The following DNM3 variants were observed in gnomAD, a reference collection of about 807,000 sequenced individuals.
The protein encoded by DNM3 is dynamin 3, also known as dynamin-3.
A neutral mutation model predicts 101.6 loss-of-function variants in DNM3; 47 were observed. That is an observed-to-expected ratio of 0.46 (90% confidence interval 0.37 to 0.59). The LOEUF (loss-of-function observed/expected upper bound fraction) is 0.59, where lower values mean the gene tolerates loss of function less well. Ranked by LOEUF, DNM3 falls within the 20% of genes least tolerant of loss-of-function variation. The pLI, the probability that DNM3 is intolerant of heterozygous loss-of-function variation, is 0.00. For synonymous variants in DNM3, 385 were observed against 387.9 expected (o/e 0.99, Z 0.09); for missense variants, 849 against 1,085.7 (o/e 0.78, Z 3.06).
intron 14 of DNM3, chr1:172,133,469 G>A (rs2057050095): frequency 5.1e-6 from 5 of 974,450 alleles, no homozygotes; most frequent in African/African-American, 1.8e-5. Context: ...GGGGGCAGGT[G>A]AGAGTGGAAA....
At chr1:171,985,971 A>T (rs573172884) in intron 2 of DNM3, among the ~76,000 whole-genome samples, 2 of 152,180 alleles carry the variant, frequency 1.3e-5, no homozygotes, top group Non-Finnish European at 2.9e-5. Context: ...CAAAAGTTGG[A>T]CTAGTGGAAT....
At chr1:172,388,432 T>A in intron 19 of DNM3, 141 bp from the exon 20 acceptor site, 1 of 724,510 alleles carries the variant, frequency 1.4e-6, no homozygotes, top group African/African-American at 1.8e-5. Context: ...TACCCTTTTA[T>A]CCCTTTGACT....
intron 15 of DNM3, among the ~76,000 whole-genome samples, chr1:172,282,247 A>G (rs2063518313): frequency 6.6e-6 from 1 of 152,158 alleles, no homozygotes; most frequent in Non-Finnish European, 1.5e-5. Context: ...TCAGTTAATT[A>G]CATCATCTGG....
chr1:171,979,002 A>G (rs1380997961), intron 2 of DNM3, among the ~76,000 whole-genome samples: 1 of 152,048 alleles, frequency 6.6e-6, no homozygotes, highest in Non-Finnish European at 1.5e-5. Flanking sequence ...ATTAGATGAG[A>G]TCACTTAGAG....
intron 15 of DNM3, among the ~76,000 whole-genome samples, chr1:172,273,643 C>G (rs2063167274): frequency 6.6e-6 from 1 of 152,078 alleles, no homozygotes; most frequent in African/African-American, 2.4e-5. Flanking sequence ...TGCACATACT[C>G]TCTTTCAAAT....
In DNM3 at chr1:172,057,806, C is replaced by A. The variant is rs571248518; in HGVS notation, c.1335+9056C>A. On this transcript the variant is annotated intron_variant, in intron 10 of 20. Transcript: ENST00000627582. ...ATCAACTAACGAGCAAAATAACCAGCTATCATCATAATGACAGGATCAAAT... is the reference window on the plus strand; with the variant it reads ...ATCAACTAACGAGCAAAATAACCAGATATCATCATAATGACAGGATCAAAT... Among the ~76,000 whole-genome samples the A allele has an allele frequency of 2.4e-3, 356 of 151,226 alleles. 6 individuals carry two copies. The highest frequency in any genetic ancestry group is 0.019 in the Admixed American group (291 of 15,134).
At chr1:172,388,086 T>C (rs2069299646) in intron 19 of DNM3, among the ~76,000 whole-genome samples, 1 of 151,780 alleles carries the variant, frequency 6.6e-6, no homozygotes, top group Admixed American at 6.6e-5. Flanking sequence ...ATACAAAAAT[T>C]AGCTGGGGGT....
chr1:172,332,495 A>T (rs1573501557), intron 17 of DNM3, among the ~76,000 whole-genome samples: 1 of 152,152 alleles, frequency 6.6e-6, no homozygotes, highest in East Asian at 1.9e-4. Context: ...ATTTTAGTAC[A>T]GATGGGGTTT....
chr1:172,154,114 C>T (rs557181679), intron 14 of DNM3, among the ~76,000 whole-genome samples: 2 of 152,178 alleles, frequency 1.3e-5, no homozygotes, highest in East Asian at 3.9e-4. Flanking sequence ...TTAGAAGCAT[C>T]TTGAGGTCCA....
At chr1:171,850,278 A>G (rs960733295) in intron 1 of DNM3, among the ~76,000 whole-genome samples, 2 of 152,216 alleles carry the variant, frequency 1.3e-5, no homozygotes, top group Non-Finnish European at 2.9e-5. Flanking sequence ...GATTTGATTG[A>G]CATTCCCATA....
intron 14 of DNM3, among the ~76,000 whole-genome samples, chr1:172,218,588 G>T (rs2148553381): frequency 6.6e-6 from 1 of 152,060 alleles, no homozygotes; most frequent in East Asian, 1.9e-4. Context: ...GGGGTTTGTG[G>T]TATATGATAT....
intron 17 of DNM3, among the ~76,000 whole-genome samples, chr1:172,364,325 A>T (rs1321002262): frequency 6.6e-6 from 1 of 151,904 alleles, no homozygotes; most frequent in Non-Finnish European, 1.5e-5. Flanking sequence ...GCTGTACAAC[A>T]TTAGTATCTA....
chr1:172,001,594 G>A (rs928686160), intron 4 of DNM3, among the ~76,000 whole-genome samples: 4 of 151,856 alleles, frequency 2.6e-5, no homozygotes, highest in African/African-American at 9.7e-5. Flanking sequence ...TCCCTTTCAC[G>A]GTGATTTATT....
At chr1:172,034,922 T>A (rs1458956213) in intron 6 of DNM3, among the ~76,000 whole-genome samples, 1 of 152,078 alleles carries the variant, frequency 6.6e-6, no homozygotes, top group African/African-American at 2.4e-5. Flanking sequence ...CTAAGACCAA[T>A]GAGGAGTCAT....
At chr1:172,321,112 T>G (rs2148908766) in intron 16 of DNM3, among the ~76,000 whole-genome samples, 2 of 152,290 alleles carry the variant, frequency 1.3e-5, no homozygotes, top group Middle Eastern at 3.4e-3. Flanking sequence ...GAAACCACTT[T>G]ACAATGAAGT....
rs573468307 is a variant in DNM3, at chr1:172,318,169, CT to C, written c.1882-5158del. Among the ~76,000 whole-genome samples the C allele has an allele frequency of 7.9e-5, 12 of 152,236 alleles. No individual in the cohort carries two copies. In the South Asian group the frequency reaches 2.5e-3, roughly 32 times the overall value. ...TATTTCAATAGATGCAGAAAAGGCC[CT>C]TGAAAAAATTCAACAGCCCTTCAGG... On this transcript the variant is annotated intron_variant, in intron 16 of 20. Transcript: ENST00000627582.
At chr1:172,140,029 G>C (rs2057483173) in intron 14 of DNM3, 2 of 151,898 alleles carry the variant, frequency 1.3e-5, no homozygotes, top group African/African-American at 4.8e-5. Context: ...ATTGTCCAAG[G>C]ATTGTATAAT....
intron 14 of DNM3, among the ~76,000 whole-genome samples, chr1:172,177,993 T>C (rs908165501): frequency 4.6e-5 from 7 of 151,946 alleles, no homozygotes; most frequent in Admixed American, 2.0e-4. Context: ...CCAAACATCA[T>C]AGAGTGTTCT....
At chr1:172,346,352 G>T (rs753054530) in intron 17 of DNM3, among the ~76,000 whole-genome samples, 1 of 152,176 alleles carries the variant, frequency 6.6e-6, no homozygotes, top group African/African-American at 2.4e-5. Context: ...GCATGTGAAG[G>T]TGTACAGTGA....
Sources: gnomAD v4.1 joint callset for allele counts (sites outside exome capture counted in the v4.1 genomes callset) on GRCh38, gnomAD v4.1.1 for gene constraint, MANE v1.5 for transcripts, NCBI Gene and HGNC (gene_info 2026-07-23, HGNC 2026-07-21) for gene names.